AGPS: variants seen among roughly 807,000 people sequenced by gnomAD.
AGPS encodes the protein alkylglycerone phosphate synthase, also known as alkyldihydroxyacetonephosphate synthase, peroxisomal.
A neutral mutation model predicts 90.7 loss-of-function variants in AGPS; 26 were observed. The ratio of observed to expected loss-of-function variants is 0.29; its 90% CI spans 0.21 to 0.40. The LOEUF (loss-of-function observed/expected upper bound fraction) is 0.40. Ranked by LOEUF, AGPS falls within the 10% of genes least tolerant of loss-of-function variation. The probability of loss-of-function intolerance (pLI) is 1.00; values close to 1 mark genes in which losing one functional copy is unlikely to be tolerated. For missense variants in AGPS, 540 were observed against 816.1 expected (o/e 0.66, Z 4.12); for synonymous variants, 294 against 285.3 (o/e 1.03, Z -0.31).
intron 11 of AGPS, among the ~76,000 whole-genome samples, chr2:177,486,474 T>C (rs566573540): frequency 2.0e-5 from 3 of 152,104 alleles, no homozygotes; most frequent in African/African-American, 7.2e-5. Context: ...ATTGTTCAAT[T>C]TGGGATTTGG....
chr2:177,483,123 A>C (rs912388127), intron 11 of AGPS, among the ~76,000 whole-genome samples: 2 of 152,190 alleles, frequency 1.3e-5, no homozygotes, highest in Non-Finnish European at 2.9e-5. Flanking sequence ...CTGTTGAGGC[A>C]AAGGAATCAT....
intron 11 of AGPS, among the ~76,000 whole-genome samples, chr2:177,489,665 A>G (rs1307362043): frequency 6.6e-6 from 1 of 152,224 alleles, no homozygotes; most frequent in African/African-American, 2.4e-5. Flanking sequence ...ATCAGGTTTC[A>G]TATAGTTTCA....
chr2:177,516,660 C>T (rs1689030806), intron 17 of AGPS, among the ~76,000 whole-genome samples: 2 of 152,088 alleles, frequency 1.3e-5, no homozygotes. Context: ...GAAAACTGAA[C>T]TGTGTAATAC....
intron 16 of AGPS, 141 bp downstream of exon 16, chr2:177,508,172 A>C: frequency 1.5e-6 from 1 of 675,366 alleles, no homozygotes; most frequent in South Asian, 1.7e-5. Context: ...TATTTAAATT[A>C]ATATATTCAT....
At chr2:177,509,565 C>A (rs1688809264) in intron 16 of AGPS, among the ~76,000 whole-genome samples, 1 of 151,274 alleles carries the variant, frequency 6.6e-6, no homozygotes, top group African/African-American at 2.4e-5. Context: ...ACTCGGCATG[C>A]TGAGGCAGGA....
chr2:177,451,394 A>C (rs1686945747), intron 8 of AGPS, among the ~76,000 whole-genome samples: 1 of 152,078 alleles, frequency 6.6e-6, no homozygotes. Context: ...TACTGATCTT[A>C]TATCCTGCAA....
chr2:177,496,626 T>A (rs947992176), intron 12 of AGPS, among the ~76,000 whole-genome samples: 1 of 152,148 alleles, frequency 6.6e-6, no homozygotes, highest in East Asian at 1.9e-4. Flanking sequence ...AGCATAGATA[T>A]CTAATTCTTA....
intron 10 of AGPS, among the ~76,000 whole-genome samples, chr2:177,471,158 A>G (rs1236896840): frequency 1.3e-5 from 2 of 152,194 alleles, no homozygotes; most frequent in Admixed American, 6.5e-5. Flanking sequence ...GTAAATTTAT[A>G]TGAAATCATA....
chr2:177,443,293 C>A (rs1310620594), intron 7 of AGPS, among the ~76,000 whole-genome samples: 5 of 152,184 alleles, frequency 3.3e-5, no homozygotes, highest in Non-Finnish European at 7.3e-5. Context: ...GGGATCCAGA[C>A]AAGGCTCACA....
intron 2 of AGPS, among the ~76,000 whole-genome samples, chr2:177,424,793 ATC>A (rs1312824386): frequency 6.6e-6 from 1 of 152,180 alleles, no homozygotes; most frequent in African/African-American, 2.4e-5. Flanking sequence ...GTGAGGTGGT[ATC>A]TCATTGTGGT....
In AGPS at chr2:177,463,658, T is replaced by G. The variant is rs575054135; in HGVS notation, c.996+1640T>G. On this transcript the variant is annotated intron_variant, in intron 9 of 19. Coordinates refer to ENST00000264167, the MANE Select transcript of AGPS (RefSeq NM_003659.4). ...TAAATATTTTCATTATCCTATTTAT[T>G]TTTCTTTATTCAAGGCATTTAGAAA... Among the ~76,000 whole-genome samples the G allele has an allele frequency of 7.9e-5, 12 of 152,286 alleles. No individual in the cohort carries two copies. In the East Asian group the frequency reaches 2.3e-3, roughly 29 times the overall value.
At position 177,468,479 on chromosome 2, in the gene AGPS, A is replaced by T; in HGVS notation, c.1060A>T (p.Met354Leu). Residue 354 changes from methionine (M) to leucine (L), a missense_variant, in exon 10 of 20, where the codon ATG becomes TTG. Coordinates refer to ENST00000264167, the MANE Select transcript of AGPS (RefSeq NM_003659.4). ...AGAAAAAAGCTGTCAAGGACCTCGT[A>T]TGTCAACAGGCCCTGATATCCATCA... Reference protein sequence around the residue: ...IIEKSCQGPRMSTGPDIHHFI... With the variant: ...IIEKSCQGPRLSTGPDIHHFI... The T allele has an allele frequency of 6.2e-7, 1 of 1,612,780 alleles. No individual in the cohort carries two copies. The highest frequency in any genetic ancestry group is 8.5e-7 in the Non-Finnish European group (1 of 1,179,224).
rs576548727 is a variant in AGPS, at chr2:177,518,943, G to C, written c.1698-2326G>C. Among the ~76,000 whole-genome samples the C allele has an allele frequency of 2.0e-5, 3 of 152,134 alleles. No individual in the cohort carries two copies. In the South Asian group the frequency reaches 6.2e-4, roughly 32 times the overall value. ...TGAAGATATGAGGCCTAGGGAGAAA[G>C]GTGAGAAGATATGAGGCCTAGGGAG... On this transcript the variant is annotated intron_variant, in intron 17 of 19. Coordinates refer to ENST00000264167, the MANE Select transcript of AGPS (RefSeq NM_003659.4).
Position 177,521,351 on chromosome 2 carries a change from G to A in AGPS, c.1780G>A (p.Val594Ile), listed in dbSNP as rs764836897. 17 of 1,613,354 alleles carry A rather than the reference G, an allele frequency of 1.1e-5. No homozygotes were observed. Among genetic ancestry groups the A allele is most frequent in the African/African-American group, 8.0e-5 (6 of 74,910 alleles). ...CAGGGGAATTAGTGACCCACTGACCGTATTTGAACAAACTGAGGTAATTTT... is the reference window on the plus strand; with the variant it reads ...CAGGGGAATTAGTGACCCACTGACCATATTTGAACAAACTGAGGTAATTTT... ...NYRGISDPLT[V>I]FEQTEAAARE... The change falls in exon 18 of 20, where the codon GTA becomes ATA. Residue 594 changes from valine (V) to isoleucine (I), a missense_variant. By Grantham distance (29) the Val-to-Ile change is conservative. Coordinates refer to ENST00000264167, the MANE Select transcript of AGPS (RefSeq NM_003659.4).
chr2:177,495,786 C>T (rs976223154), intron 12 of AGPS, among the ~76,000 whole-genome samples: 1 of 149,646 alleles, frequency 6.7e-6, no homozygotes, highest in Non-Finnish European at 1.5e-5. Context: ...GGCATGTTGG[C>T]GAGCACCTGT....
intron 19 of AGPS, among the ~76,000 whole-genome samples, chr2:177,529,136 C>T (rs981549780): frequency 1.3e-5 from 2 of 152,066 alleles, no homozygotes; most frequent in Non-Finnish European, 2.9e-5. Context: ...GGATTACAGG[C>T]ATGAGCCACC....
At chr2:177,509,038 C>T (rs1299443623) in intron 16 of AGPS, among the ~76,000 whole-genome samples, 7 of 152,190 alleles carry the variant, frequency 4.6e-5, no homozygotes, top group Middle Eastern at 3.4e-3. Flanking sequence ...GTGTATAGGA[C>T]GGAACAATTC....
intron 1 of AGPS, 191 bp downstream of exon 1, chr2:177,393,240 A>G: frequency 1.0e-6 from 1 of 985,192 alleles, no homozygotes; most frequent in Non-Finnish European, 1.2e-6. Context: ...AGGGGGCGGG[A>G]TGGGATGGTG....
At chr2:177,501,291 G>C (rs545594449) in intron 14 of AGPS, among the ~76,000 whole-genome samples, 16 of 152,026 alleles carry the variant, frequency 1.1e-4, no homozygotes, top group Non-Finnish European at 2.1e-4. Flanking sequence ...CCCACACACA[G>C]AGGAATTTCA....
Sources: gnomAD v4.1 joint callset for allele counts (sites outside exome capture counted in the v4.1 genomes callset) on GRCh38, gnomAD v4.1.1 for gene constraint, MANE v1.5 for transcripts, NCBI Gene and HGNC (gene_info 2026-07-23, HGNC 2026-07-21) for gene names.